Variants in CDHR2 observed in about 807,000 individuals in gnomAD.
CDHR2 encodes the protein cadherin-related family member 2.
Under a neutral mutation model 138.6 loss-of-function variants are expected in CDHR2, and 104 were observed. That is an observed-to-expected ratio of 0.75 (90% confidence interval 0.64 to 0.88). The LOEUF is 0.88. Ranked by LOEUF, CDHR2 falls within the 40% of genes least tolerant of loss-of-function variation. The pLI is 0.00. For missense variants in CDHR2, 1,624 were observed against 1,727.6 expected (o/e 0.94, Z 1.06); for synonymous variants, 755 against 742.8 (o/e 1.02, Z -0.27).
At chr5:176,565,285 C>A in intron 1 of CDHR2, 53 bp from the exon 2 acceptor site, 2 of 1,371,646 alleles carry the variant, frequency 1.5e-6, no homozygotes, top group Non-Finnish European at 2.1e-6. Flanking sequence ...TGGGAGTCTG[C>A]CAAAAGGAGG....
At chr5:176,565,440 C>A in intron 2 of CDHR2, 36 bp downstream of exon 2, 3 of 1,595,288 alleles carry the variant, frequency 1.9e-6, no homozygotes, top group Non-Finnish European at 2.6e-6. Context: ...GCAGCCCTAA[C>A]CTAGAGACCC....
chr5:176,574,603 TGACATGCAAC>T (rs758029372), intron 7 of CDHR2, among the ~76,000 whole-genome samples: 6 of 152,224 alleles, frequency 3.9e-5, no homozygotes, highest in Non-Finnish European at 7.3e-5. Context: ...CTCAAGTCCC[TGACATGCAAC>T]GGGGTAGTAT....
rs775451487 is a variant in CDHR2, at chr5:176,584,518, G to A, written c.2237G>A (p.Gly746Asp). 53 of 1,613,704 alleles carry A rather than the reference G, an allele frequency of 3.3e-5. No individual in the cohort carries two copies. The highest frequency in any genetic ancestry group is 4.5e-5 in the East Asian group (2 of 44,878). ...GGTGCCAACTACTTCATGATCCGAG[G>A]CTTGGTGCTGGGGGCTGGGTGGGCT... ...GSGANYFMIR[G>D]LVLGAGWAEG... Residue 746 changes from glycine to aspartate, a missense_variant, in exon 19 of 32, where the codon GGC becomes GAC. By Grantham distance (94) the Gly-to-Asp change is moderately conservative. Coordinates refer to ENST00000261944, the MANE Select transcript of CDHR2 (RefSeq NM_017675.6).
chr5:176,555,010 G>C (rs1436607543), intron 1 of CDHR2, among the ~76,000 whole-genome samples: 1 of 152,192 alleles, frequency 6.6e-6, no homozygotes, highest in East Asian at 1.9e-4. Flanking sequence ...AGAGGCAGGA[G>C]GTGCTTCCTC....
chr5:176,589,492 C>T, intron 23 of CDHR2, 36 bp from the exon 24 acceptor site: 2 of 1,612,928 alleles, frequency 1.2e-6, no homozygotes, highest in Non-Finnish European at 1.7e-6. Flanking sequence ...CCCCCAGGGT[C>T]CCTGGTGCCT....
intron 31 of CDHR2, 117 bp from the exon 32 acceptor site, chr5:176,595,414 TG>T (rs1759001061): frequency 1.7e-6 from 2 of 1,169,544 alleles, no homozygotes; most frequent in Non-Finnish European, 2.3e-6. Context: ...AGGGGCAGGG[TG>T]GGACCCCTGC....
rs1758836420 is a variant in CDHR2, at chr5:176,591,331, G to T, written c.3653+8G>T. ...CATGTACAACACTGAGCGGTGAGCAGGGGTCAAAGGGTAGGTAAGAGGCCT... is the reference window on the plus strand; with the variant it reads ...CATGTACAACACTGAGCGGTGAGCATGGGTCAAAGGGTAGGTAAGAGGCCT... On this transcript the variant is annotated splice_region_variant and intron_variant, in intron 29 of 31. Coordinates refer to ENST00000261944, the MANE Select transcript of CDHR2 (RefSeq NM_017675.6). 2 of 1,612,474 alleles carry T rather than the reference G, an allele frequency of 1.2e-6. No individual in the cohort carries two copies. Among genetic ancestry groups the T allele is most frequent in the Non-Finnish European group, 8.5e-7 (1 of 1,178,606 alleles).
chr5:176,578,551 C>A lies in CDHR2; in HGVS notation c.1761C>A (p.Ser587Arg). Residue 587 changes from serine to arginine, a missense_variant, in exon 16 of 32, where the codon AGC becomes AGA. Physicochemically the swap from Ser to Arg is moderately radical, Grantham distance 110. Around this residue, in one of 3 missense-constraint regions of CDHR2, gnomAD observed 1,061 missense variants for 1,136.6 expected, o/e 0.93. Coordinates refer to ENST00000261944, the MANE Select transcript of CDHR2 (RefSeq NM_017675.6). ...TCAACGACAATGCACCCGTGGTTAG[C>A]GGCTCCTACAACATCTTCGTCCAGG... ...LDINDNAPVV[S>R]GSYNIFVQEE... 2 of 1,613,978 alleles carry A rather than the reference C, an allele frequency of 1.2e-6. No individual in the cohort carries two copies. Among genetic ancestry groups the A allele is most frequent in the Non-Finnish European group, 1.7e-6 (2 of 1,180,016 alleles).
chr5:176,594,051 C>T (rs1758955231), intron 31 of CDHR2, among the ~76,000 whole-genome samples: 1 of 152,180 alleles, frequency 6.6e-6, no homozygotes, highest in African/African-American at 2.4e-5. Flanking sequence ...GCTGATGCTG[C>T]TCCTAACCCA....
At chr5:176,577,209 A>C (rs1355001875) in intron 12 of CDHR2, among the ~76,000 whole-genome samples, 190 bp from the exon 13 acceptor site, 1 of 152,100 alleles carries the variant, frequency 6.6e-6, no homozygotes, top group Non-Finnish European at 1.5e-5. Flanking sequence ...GCTGTCTTCT[A>C]CAGAGCCTGC....
chr5:176,575,510 C>A lies in CDHR2; in HGVS notation c.773C>A (p.Thr258Asn), dbSNP rs774560711. The A allele has an allele frequency of 1.2e-6, 2 of 1,614,150 alleles. No homozygotes were observed. The highest frequency in any genetic ancestry group is 1.7e-6 in the Non-Finnish European group (2 of 1,180,012). ...ACTGACCAGGCCCCATTCCAGGGAA[C>A]CTCGGTGCTGACGGTGGAGGCTGTG... is the stretch of plus-strand genomic sequence containing the variant. ...ASVAEDAAKG[T>N]SVLTVEAVDG... The change falls in exon 10 of 32, where the codon ACC becomes AAC. Residue 258 changes from threonine to asparagine, a missense_variant. Thr to Asn is a moderately conservative substitution (Grantham distance 65). Around this residue, in one of 3 missense-constraint regions of CDHR2, gnomAD observed 1,061 missense variants for 1,136.6 expected, o/e 0.93. Coordinates refer to ENST00000261944, the MANE Select transcript of CDHR2 (RefSeq NM_017675.6).
intron 19 of CDHR2, among the ~76,000 whole-genome samples, chr5:176,585,473 T>TG (rs1418424505): frequency 6.6e-6 from 1 of 152,146 alleles, no homozygotes; most frequent in Non-Finnish European, 1.5e-5. Flanking sequence ...ACACAACCCA[T>TG]GGGGTAGGTG....
Position 176,577,796 on chromosome 5 carries a change from C to G in CDHR2, c.1510C>G (p.His504Asp), listed in dbSNP as rs748686112. 6.2e-7 allele frequency: 1 copy of G among 1,613,942 alleles called. No homozygotes were observed. The highest frequency in any genetic ancestry group is 1.1e-5 in the South Asian group (1 of 91,040). Reference sequence around the variant, plus strand: ...CGGCTCTGTGGTCACCGACAGCATCCACGTGAGTGATGTGGACACAGTGGG... The same window carrying G: ...CGGCTCTGTGGTCACCGACAGCATCGACGTGAGTGATGTGGACACAGTGGG... ...ATGSVVTDSI[H>D]ATDPDTGAWG... Residue 504 changes from histidine (H) to aspartate (D), a missense_variant and splice_region_variant, in exon 14 of 32, where the codon CAC becomes GAC. Around this residue, in one of 3 missense-constraint regions of CDHR2, gnomAD observed 1,061 missense variants for 1,136.6 expected, o/e 0.93. Coordinates refer to ENST00000261944, the MANE Select transcript of CDHR2 (RefSeq NM_017675.6).
chr5:176,578,563 CA>C lies in CDHR2; in HGVS notation c.1774del (p.Ile592SerfsTer12). 6.2e-7 allele frequency: 1 copy of C among 1,613,826 alleles called. No homozygotes were observed. The highest frequency in any genetic ancestry group is 8.5e-7 in the Non-Finnish European group (1 of 1,180,018). ...NAPVVSGSYN[I>X]FVQEEEGNVS... is the part of the protein sequence containing the mutation. ...CACCCGTGGTTAGCGGCTCCTACAA[CA>C]TCTTCGTCCAGGAGGAGGAGGGCAA... On this transcript the variant is annotated frameshift_variant, in exon 16 of 32. Transcript: ENST00000261944. LOFTEE classifies it high-confidence loss of function.
At chr5:176,567,435 G>T (rs1758110929) in intron 3 of CDHR2, among the ~76,000 whole-genome samples, 1 of 152,134 alleles carries the variant, frequency 6.6e-6, no homozygotes, top group Non-Finnish European at 1.5e-5. Flanking sequence ...TTCCCAAAGT[G>T]CTGGGATTAC....
At chr5:176,588,179 A>G (rs1224013361) in intron 21 of CDHR2, among the ~76,000 whole-genome samples, 1 of 150,782 alleles carries the variant, frequency 6.6e-6, no homozygotes, top group Non-Finnish European at 1.5e-5. Flanking sequence ...AGGAAATCTG[A>G]GCATCGCTGT....
At chr5:176,585,276 A>G (rs373391472) in intron 19 of CDHR2, among the ~76,000 whole-genome samples, 141 of 145,482 alleles carry the variant, frequency 9.7e-4, no homozygotes, top group African/African-American at 3.4e-3. Flanking sequence ...ATGCAGTAGC[A>G]TCAAATTAAT....
intron 3 of CDHR2, chr5:176,566,988 C>A (rs1478416894): frequency 4.4e-6 from 2 of 456,158 alleles, no homozygotes; most frequent in Non-Finnish European, 8.8e-6. Flanking sequence ...CCAGATGAAA[C>A]AAGAGACACC....
chr5:176,555,630 C>T (rs1757802750), intron 1 of CDHR2, among the ~76,000 whole-genome samples: 1 of 152,144 alleles, frequency 6.6e-6, no homozygotes, highest in Non-Finnish European at 1.5e-5. Context: ...GGGCCAAGTG[C>T]AGTGGATGGC....
Sources: allele counts gnomAD v4.1 joint callset (sites outside exome capture counted in the v4.1 genomes callset), GRCh38; gene constraint gnomAD v4.1.1; regional missense constraint gnomAD v4.1.1; transcripts MANE v1.5; gene names NCBI Gene and HGNC (gene_info 2026-07-23, HGNC 2026-07-21).